TNS1: variants seen among roughly 807,000 people sequenced by gnomAD.
The protein encoded by TNS1 is tensin-1.
In TNS1, 62 loss-of-function variants were observed where a neutral mutation model predicts 168.6. The observed-to-expected ratio is 0.37, with a 90% CI of 0.30 to 0.45. The LOEUF (loss-of-function observed/expected upper bound fraction) is 0.45. Among genes scored for constraint, TNS1 ranks in the 20% least tolerant of loss-of-function variants. The pLI, the probability that TNS1 is intolerant of heterozygous loss-of-function variation, is 1.00. For missense variants in TNS1, 2,240 were observed against 2,339.4 expected (o/e 0.96, Z 0.88); for synonymous variants, 934 against 933.2 (o/e 1.00, Z -0.02).
At chr2:217,903,315 G>A (rs540402738) in intron 6 of TNS1, among the ~76,000 whole-genome samples, 37 of 152,236 alleles carry the variant, frequency 2.4e-4, no homozygotes, top group East Asian at 3.9e-4. Context: ...TAGAGGTTCC[G>A]TCTCATTTGT....
At chr2:217,934,649 C>T (rs1014059632) in intron 3 of TNS1, among the ~76,000 whole-genome samples, 8 of 152,334 alleles carry the variant, frequency 5.3e-5, no homozygotes, top group South Asian at 2.1e-4. Context: ...GGGACAGAGA[C>T]GGGAGATTCT....
At chr2:217,892,719 A>C (rs1951862200) in intron 11 of TNS1, among the ~76,000 whole-genome samples, 1 of 152,006 alleles carries the variant, frequency 6.6e-6, no homozygotes, top group Admixed American at 6.6e-5. Context: ...CCTGCCTCCC[A>C]AGGCTGCCCC....
chr2:217,835,124 C>A lies in TNS1; in HGVS notation c.3247G>T (p.Gly1083Ter). 1 of 1,588,686 alleles carries A rather than the reference C, an allele frequency of 6.3e-7. No individual in the cohort carries two copies. The highest frequency in any genetic ancestry group is 1.9e-5 in the Admixed American group (1 of 54,024). The part of the protein sequence containing the change: ...SYKEAFEEME[G>*]TSPSSPPPSG... ...GGTGGTGGGCTGCTCGGGGAGGTTC[C>A]CTCCATCTCCTCGAAGGCCTCCTTG... The change falls in exon 21 of 33, where the codon GGA (glycine) becomes TGA (stop). Residue 1083 changes from glycine to a stop codon, truncating the protein, a stop_gained. Coordinates refer to ENST00000682258, the MANE Select transcript of TNS1 (RefSeq NM_001387777.1). LOFTEE classifies it high-confidence loss of function.
At position 217,809,905 on chromosome 2, in the gene TNS1, C is replaced by T; in HGVS notation, c.5191G>A (p.Ala1731Thr). ...AISKATSETL[A>T]ADPTPAATIV... ...GTGGCAGCTGGCGTGGGGTCTGCAG[C>T]CAACGTCTCAGATGTGGCTTTAGAG... is the stretch of plus-strand genomic sequence containing the variant. The change falls in exon 30 of 33, where the codon GCT becomes ACT. Residue 1731 changes from alanine to threonine, a missense_variant. Ala to Thr is a moderately conservative substitution (Grantham distance 58). Coordinates refer to ENST00000682258, the MANE Select transcript of TNS1 (RefSeq NM_001387777.1). 6.2e-7 allele frequency: 1 copy of T among 1,613,574 alleles called. No homozygotes were observed. The highest frequency in any genetic ancestry group is 1.7e-5 in the Admixed American group (1 of 59,996).
Position 217,939,459 on chromosome 2 carries a change from C to T in TNS1, c.187-19223G>A, listed in dbSNP as rs1312678005. On this transcript the variant is annotated intron_variant, in intron 3 of 32. Transcript: ENST00000682258. ...GAGGTGCAGGTCTGCCCTCAAGGAG[C>T]TTGTAATCCATCCAGAAGACAGGTG... Among the ~76,000 whole-genome samples the T allele has an allele frequency of 4.6e-5, 7 of 152,348 alleles. No homozygotes were observed. In the South Asian group the frequency reaches 8.3e-4, roughly 18 times the overall value.
chr2:218,005,887 A>G (rs1341971629), upstream of TNS1, among the ~76,000 whole-genome samples: 1 of 152,126 alleles, frequency 6.6e-6, no homozygotes, highest in Non-Finnish European at 1.5e-5. Context: ...CCTGCTGCCA[A>G]TGCCCCATTC....
intron 19 of TNS1, among the ~76,000 whole-genome samples, chr2:217,842,899 C>T (rs1298559019): frequency 6.6e-6 from 1 of 152,182 alleles, no homozygotes; most frequent in East Asian, 1.9e-4. Flanking sequence ...TAAAGTGCAG[C>T]CAGCCACCCC....
Position 217,880,192 on chromosome 2 carries a change from T to C in TNS1, c.1429+706A>G, listed in dbSNP as rs1950559934. Among the ~76,000 whole-genome samples, 1 of 152,234 alleles carries C rather than the reference T, an allele frequency of 6.6e-6. No homozygotes were observed. The highest frequency in any genetic ancestry group is 6.5e-5 in the Admixed American group (1 of 15,282). On this transcript the variant is annotated intron_variant, in intron 18 of 32. Coordinates refer to ENST00000682258, the MANE Select transcript of TNS1 (RefSeq NM_001387777.1). This position sits in a 1 kb window ranked among gnomAD's most constrained non-coding sequence, Gnocchi z 4.2. ...CCACGTCTCCTTACACATATGCAGA[T>C]AGACCACATAAATAAATAGAATGCA... is the stretch of plus-strand genomic sequence containing the variant.
intron 10 of TNS1, 131 bp from the exon 11 acceptor site, chr2:217,893,143 G>C: frequency 8.5e-7 from 1 of 1,175,616 alleles, no homozygotes. Context: ...AGAACATAAG[G>C]AGGAAGGGGG....
chr2:217,806,022 G>A (rs1242262365), intron 32 of TNS1, among the ~76,000 whole-genome samples: 1 of 152,210 alleles, frequency 6.6e-6, no homozygotes, highest in Non-Finnish European at 1.5e-5. Flanking sequence ...GGGGTCCACA[G>A]GGCATCCCCC....
chr2:217,840,631 T>C (rs1260408496), intron 19 of TNS1, among the ~76,000 whole-genome samples: 1 of 152,180 alleles, frequency 6.6e-6, no homozygotes, highest in Non-Finnish European at 1.5e-5. Flanking sequence ...GGGTGTGCCA[T>C]GCTCTAGAGT....
At position 217,919,333 on chromosome 2, in the gene TNS1, C is replaced by T. The variant is rs554983805; in HGVS notation, c.228+862G>A. Among the ~76,000 whole-genome samples the T allele has an allele frequency of 1.4e-4, 21 of 152,232 alleles. No individual in the cohort carries two copies. The East Asian group carries it at 1.5e-3, about 11-fold the overall frequency. ...CCTGGGCCCCAGGACAGCCACGCCCCGCCCCAGGCTCCTGCCGACATTAGT... is the reference window on the plus strand; with the variant it reads ...CCTGGGCCCCAGGACAGCCACGCCCTGCCCCAGGCTCCTGCCGACATTAGT... On this transcript the variant is annotated intron_variant, in intron 4 of 32. Coordinates refer to ENST00000682258, the MANE Select transcript of TNS1 (RefSeq NM_001387777.1).
intron 22 of TNS1, among the ~76,000 whole-genome samples, chr2:217,823,585 G>T (rs530099768): frequency 2.6e-5 from 4 of 152,152 alleles, no homozygotes; most frequent in Non-Finnish European, 4.4e-5. Flanking sequence ...TCTAGACCCC[G>T]GAAGAGGATG....
rs1491192564 is a variant in TNS1 at position 217,984,766 on chromosome 2, TTC to T, written c.149-5966_149-5965del. Among the ~76,000 whole-genome samples the T allele has an allele frequency of 3.4e-3, 507 of 150,858 alleles. 3 individuals carry two copies. Among genetic ancestry groups the T allele is most frequent in the African/African-American group, 0.011 (461 of 40,800 alleles). On this transcript the variant is annotated intron_variant, in intron 2 of 32. Transcript: ENST00000682258. ...CCTCAGCCTCTTTTTTTTTTTTTTTTTCCCCCCAAGACAGAGTCTTGCTCTGT... is the reference window on the plus strand; with the variant it reads ...CCTCAGCCTCTTTTTTTTTTTTTTTTCCCCCAAGACAGAGTCTTGCTCTGT...
chr2:217,840,786 T>A (rs1334817601), intron 19 of TNS1, among the ~76,000 whole-genome samples: 1 of 152,150 alleles, frequency 6.6e-6, no homozygotes, highest in Admixed American at 6.5e-5. Flanking sequence ...TCCAGAGCCC[T>A]CCTGAGCACC....
At chr2:217,941,313 G>A (rs1956900313) in intron 3 of TNS1, among the ~76,000 whole-genome samples, 1 of 152,326 alleles carries the variant, frequency 6.6e-6, no homozygotes, top group East Asian at 1.9e-4. Flanking sequence ...AGGGATTGGG[G>A]GTGAAGCCTG....
At chr2:217,814,836 T>C in intron 25 of TNS1, 76 bp downstream of exon 25, 2 of 1,308,678 alleles carry the variant, frequency 1.5e-6, no homozygotes, top group Non-Finnish European at 2.2e-6. Context: ...AATTTGCCTC[T>C]GTTCCTTGCC....
chr2:217,924,759 G>A (rs1955924758), intron 3 of TNS1, among the ~76,000 whole-genome samples: 1 of 152,206 alleles, frequency 6.6e-6, no homozygotes, highest in Admixed American at 6.5e-5. Flanking sequence ...CATGAAGTTT[G>A]CCCAGGTTAA....
At chr2:217,826,612 T>C (rs1251551644) in intron 22 of TNS1, among the ~76,000 whole-genome samples, 1 of 152,184 alleles carries the variant, frequency 6.6e-6, no homozygotes, top group Non-Finnish European at 1.5e-5. Context: ...CCTCCGCTGC[T>C]CCTAGCCGCC....
Sources: allele counts gnomAD v4.1 joint callset (sites outside exome capture counted in the v4.1 genomes callset), GRCh38; gene constraint gnomAD v4.1.1; non-coding constraint Gnocchi (gnomAD v3.1); transcripts MANE v1.5; gene names NCBI Gene and HGNC (gene_info 2026-07-23, HGNC 2026-07-21).